TSPAN32: variants seen among roughly 807,000 people sequenced by gnomAD.
TSPAN32 encodes tetraspanin 32.
Under a neutral mutation model 42.7 loss-of-function variants are expected in TSPAN32, and 47 were observed. That is an observed-to-expected ratio of 1.10 (90% CI 0.87 to 1.40). The LOEUF is 1.40. Among genes scored for constraint, TSPAN32 ranks in the 40% most tolerant of loss-of-function variants. The pLI, the probability that TSPAN32 is intolerant of heterozygous loss-of-function variation, is 0.00. For missense variants in TSPAN32, 469 were observed against 424.1 expected, an observed-to-expected ratio of 1.11 and a Z score of -0.93; for synonymous variants, 175 against 175.9, an observed-to-expected ratio of 0.99 and a Z score of 0.04.
intron 5 of TSPAN32, among the ~76,000 whole-genome samples, chr11:2,314,162 T>TA (rs34185560): frequency 0.77 from 105,756 of 137,552 alleles, 40,944 homozygotes; most frequent in Non-Finnish European, 0.82. Flanking sequence ...GTCTCTACTT[T>TA]AAAAAAAAAA....
chr11:2,305,121 G>A (rs1848000112), intron 3 of TSPAN32, among the ~76,000 whole-genome samples: 2 of 152,246 alleles, frequency 1.3e-5, no homozygotes, highest in African/African-American at 2.4e-5. Flanking sequence ...TTCAGCAAAT[G>A]CTTGTTTAAT....
chr11:2,306,909 GACA>G (rs1437372661), intron 3 of TSPAN32: 16 of 123,602 alleles, frequency 1.3e-4, no homozygotes, highest in Non-Finnish European at 2.6e-4. Context: ...AAGGAGGGAG[GACA>G]AGGGAGGAGG....
chr11:2,302,390 G>C (rs1329827723), intron 1 of TSPAN32, among the ~76,000 whole-genome samples, 175 bp downstream of exon 1: 2 of 152,200 alleles, frequency 1.3e-5, no homozygotes, highest in Non-Finnish European at 2.9e-5. Flanking sequence ...GGCAGGCAGG[G>C]ACCACCATGA....
chr11:2,316,109 C>A, intron 6 of TSPAN32, 120 bp from the exon 7 acceptor site: 4 of 1,525,134 alleles, frequency 2.6e-6, no homozygotes, highest in Non-Finnish European at 3.5e-6. Flanking sequence ...CCGCACCCGC[C>A]GCCCTGCTGC....
intron 4 of TSPAN32, among the ~76,000 whole-genome samples, chr11:2,309,799 C>T (rs1184670869): frequency 6.6e-6 from 1 of 151,566 alleles, no homozygotes; most frequent in Non-Finnish European, 1.5e-5. Flanking sequence ...TGGTCCCCAC[C>T]GTGGTTTGCA....
chr11:2,309,237 G>A, intron 4 of TSPAN32: 2 of 428,876 alleles, frequency 4.7e-6, no homozygotes, highest in Middle Eastern at 3.5e-4. Context: ...CTGATGGCCT[G>A]GTGGGGCAGA....
intron 3 of TSPAN32, among the ~76,000 whole-genome samples, chr11:2,306,007 AGTGT>A (rs146812694): frequency 6.9e-6 from 1 of 145,730 alleles, no homozygotes. Flanking sequence ...CATGTGCATG[AGTGT>A]GTGTGTGCAT....
In TSPAN32 at chr11:2,304,807, G is replaced by A. The variant is rs561447651; in HGVS notation, c.279+603G>A. On this transcript the variant is annotated intron_variant, in intron 3 of 9. Transcript: ENST00000182290. This position sits in a 1 kb window ranked among gnomAD's most constrained non-coding sequence, Gnocchi z 4.8. ...TTCCTACTCCTCCCCATGGGCTTCT[G>A]TCTTGGTCCCTGCCACTCGATGGTC... Among the ~76,000 whole-genome samples the A allele has an allele frequency of 1.3e-4, 20 of 151,728 alleles. No homozygotes were observed. Among genetic ancestry groups the A allele is most frequent in the Admixed American group, 7.9e-4 (12 of 15,234 alleles).
Position 2,317,925 on chromosome 11 carries a change from C to T in TSPAN32, c.*1C>T, listed in dbSNP as rs774542819. 27 of 1,034,284 alleles carry T rather than the reference C, an allele frequency of 2.6e-5. No individual in the cohort carries two copies. The highest frequency in any genetic ancestry group is 2.6e-4 in the East Asian group (11 of 42,290). The allele number at this position is 1,034,284 out of a possible 1,614,324, so 64.1% of individuals were successfully genotyped here. On this transcript the variant is annotated 3_prime_UTR_variant, in exon 10 of 10. Coordinates refer to ENST00000182290, the MANE Select transcript of TSPAN32 (RefSeq NM_139022.3). This position sits in a 1 kb window ranked among gnomAD's most constrained non-coding sequence, Gnocchi z 6.2. ...CCCTGAGCGGGGTCTCTCAGACTGA[C>T]GTCAGGCCTTGGTGGGCTGCACTCT...
chr11:2,317,919 G>A lies in TSPAN32; in HGVS notation c.958G>A (p.Asp320Asn). The A allele has an allele frequency of 9.1e-7, 1 of 1,101,046 alleles. No individual in the cohort carries two copies. Among genetic ancestry groups the A allele is most frequent in the Non-Finnish European group, 1.4e-6 (1 of 712,000 alleles). The allele number at this position is 1,101,046 out of a possible 1,614,324, so 68.2% of individuals were successfully genotyped here. A position where few individuals can be genotyped will look rare whatever the true frequency, so the allele number is the denominator to read the frequency against. The change falls in exon 10 of 10, where the codon GAC becomes AAC. Residue 320 changes from aspartate (D) to asparagine (N), a missense_variant. Asp to Asn is a conservative substitution (Grantham distance 23). Transcript: ENST00000182290. The surrounding 1 kb of genome is among the most constrained non-coding windows in gnomAD (Gnocchi z 6.2). ...LSGCPERGLS[D>N] ...TGGGTGCCCTGAGCGGGGTCTCTCA[G>A]ACTGACGTCAGGCCTTGGTGGGCTG...
At chr11:2,303,426 T>C in intron 2 of TSPAN32, 1 of 199,002 alleles carries the variant, frequency 5.0e-6, no homozygotes, top group Non-Finnish European at 1.1e-5. Context: ...AGCAGCGACT[T>C]ATCCAACATC....
intron 4 of TSPAN32, among the ~76,000 whole-genome samples, chr11:2,312,549 C>T (rs960343801): frequency 6.6e-6 from 1 of 152,246 alleles, no homozygotes; most frequent in Non-Finnish European, 1.5e-5. Flanking sequence ...CCTGGAAAGT[C>T]CATCTGACTC....
At position 2,317,026 on chromosome 11, in the gene TSPAN32, A is replaced by G. The variant is rs11022259; in HGVS notation, c.720-318A>G. ...TTAGGGGGCAGGGAGGGTCCAACCC[A>G]CAGCCAGGCAGCTCTTCCTGCCCCC... On this transcript the variant is annotated intron_variant, in intron 8 of 9. Transcript: ENST00000182290. This position sits in a 1 kb window ranked among gnomAD's most constrained non-coding sequence, Gnocchi z 6.2. 0.82 allele frequency among the ~76,000 whole-genome samples: 124,914 copies of G among 151,754 alleles called. 52,090 individuals are homozygous for G. Among genetic ancestry groups the G allele is most frequent in the African/African-American group, 0.88 (36,579 of 41,442 alleles).
intron 6 of TSPAN32, chr11:2,314,916 C>A (rs531357121): frequency 5.4e-5 from 19 of 353,598 alleles, no homozygotes; most frequent in African/African-American, 4.0e-4. Flanking sequence ...TTGGAGTGCA[C>A]CCATGAGGGC....
At chr11:2,303,102 C>T in intron 2 of TSPAN32, 144 bp downstream of exon 2, 2 of 696,360 alleles carry the variant, frequency 2.9e-6, no homozygotes, top group South Asian at 1.9e-5. Context: ...GGAGGGGCTG[C>T]CCTGGAGTCC....
rs1848574346 is a variant in TSPAN32 at position 2,313,292 on chromosome 11, C to A, written c.355-362C>A. On this transcript the variant is annotated intron_variant, in intron 4 of 9. Coordinates refer to ENST00000182290, the MANE Select transcript of TSPAN32 (RefSeq NM_139022.3). The surrounding 1 kb of genome is among the most constrained non-coding windows in gnomAD (Gnocchi z 9.1). ...AAGCCTTTTCCACCAGGCCCAGCCC[C>A]ATCCCCCATTTCCGGGTCAACAGTA... 6.6e-6 allele frequency among the ~76,000 whole-genome samples: 1 copy of A among 152,218 alleles called. No homozygotes were observed. The highest frequency in any genetic ancestry group is 1.5e-5 in the Non-Finnish European group (1 of 68,034).
chr11:2,305,398 G>T (rs1032546168), intron 3 of TSPAN32, among the ~76,000 whole-genome samples: 1 of 149,278 alleles, frequency 6.7e-6, no homozygotes, highest in Non-Finnish European at 1.5e-5. Flanking sequence ...TGTGTGGCCT[G>T]CAAAGGGACA....
chr11:2,312,362 G>C (rs1848511591), intron 4 of TSPAN32, among the ~76,000 whole-genome samples: 1 of 152,266 alleles, frequency 6.6e-6, no homozygotes, highest in Non-Finnish European at 1.5e-5. Flanking sequence ...CACAGACGCT[G>C]AGGCTGAACA....
chr11:2,305,456 G>A (rs1167588610), intron 3 of TSPAN32, among the ~76,000 whole-genome samples: 2 of 152,042 alleles, frequency 1.3e-5, no homozygotes, highest in Non-Finnish European at 2.9e-5. Flanking sequence ...AAGGGGTCCA[G>A]GTCAGAGCTG....
Sources: allele counts gnomAD v4.1 joint callset (sites outside exome capture counted in the v4.1 genomes callset), GRCh38; gene constraint gnomAD v4.1.1; non-coding constraint Gnocchi (gnomAD v3.1); transcripts MANE v1.5; gene names NCBI Gene and HGNC (gene_info 2026-07-23, HGNC 2026-07-21).